Variants in MORC1 observed in about 807,000 individuals in gnomAD.
The protein encoded by MORC1 is MORC family CW-type zinc finger 1, also known as MORC family CW-type zinc finger protein 1.
In MORC1, 59 loss-of-function variants were observed where a neutral mutation model predicts 134.9. That is an observed-to-expected ratio of 0.44 (90% CI 0.35 to 0.54). MORC1 has a LOEUF of 0.54. Ranked by LOEUF, MORC1 falls within the 20% of genes least tolerant of loss-of-function variation. The pLI, the probability that MORC1 is intolerant of heterozygous loss-of-function variation, is 0.00. For missense variants in MORC1, 947 were observed against 1,134.5 expected, an observed-to-expected ratio of 0.83 and a Z score of 2.37; for synonymous variants, 395 against 391.7, an observed-to-expected ratio of 1.01 and a Z score of -0.10.
chr3:109,006,554 G>A (rs1948544882), intron 18 of MORC1, among the ~76,000 whole-genome samples: 1 of 152,112 alleles, frequency 6.6e-6, no homozygotes, highest in Non-Finnish European at 1.5e-5. Flanking sequence ...TTTTGTGTGT[G>A]ACTGATATAA....
chr3:109,082,135 G>A (rs1004597041), intron 8 of MORC1, among the ~76,000 whole-genome samples: 4 of 151,950 alleles, frequency 2.6e-5, no homozygotes, highest in African/African-American at 9.7e-5. Flanking sequence ...ATCCCCCTTA[G>A]GACTTTCCCT....
intron 14 of MORC1, among the ~76,000 whole-genome samples, chr3:109,039,760 A>G (rs1186720903): frequency 6.6e-6 from 1 of 152,204 alleles, no homozygotes; most frequent in Non-Finnish European, 1.5e-5. Flanking sequence ...ATCACTGATT[A>G]CTGGCTATGA....
At chr3:109,017,319 G>T (rs945896020) in intron 17 of MORC1, among the ~76,000 whole-genome samples, 1 of 152,206 alleles carries the variant, frequency 6.6e-6, no homozygotes, top group Non-Finnish European at 1.5e-5. Flanking sequence ...AAGATCAGGA[G>T]AAAGTTTTCT....
At chr3:109,090,411 A>C (rs1276966198) in intron 8 of MORC1, among the ~76,000 whole-genome samples, 1 of 152,038 alleles carries the variant, frequency 6.6e-6, no homozygotes, top group Non-Finnish European at 1.5e-5. Flanking sequence ...TGAGGTTAGG[A>C]GTTCAAGACC....
At chr3:109,036,340 G>A (rs1330672807) in intron 14 of MORC1, among the ~76,000 whole-genome samples, 1 of 152,072 alleles carries the variant, frequency 6.6e-6, no homozygotes, top group Non-Finnish European at 1.5e-5. Context: ...TGAAAAGCCT[G>A]TCCATATAAA....
Position 109,095,041 on chromosome 3 carries a change from T to C in MORC1, c.451A>G (p.Ile151Val), listed in dbSNP as rs543516720. ...TCTGTGACAGATTCTCTGGTTCTTA[T>C]TAACCATGAGGGCATTGGAACTACA... ...EVVVPMPSWL[I>V]RTRESVTDDP... The change falls in exon 7 of 28, where the codon ATA (isoleucine) becomes GTA (valine). Residue 151 changes from isoleucine to valine, a missense_variant. This residue lies in a region of MORC1 where 214 missense variants were observed against 281.3 expected (regional missense o/e 0.76). Coordinates refer to ENST00000232603, the MANE Select transcript of MORC1 (RefSeq NM_014429.4). 2.3e-5 allele frequency: 36 copies of C among 1,591,330 alleles called. No individual in the cohort carries two copies. The African/African-American group carries it at 3.1e-4, about 14-fold the overall frequency.
chr3:109,063,775 A>G (rs1576698602), intron 9 of MORC1, among the ~76,000 whole-genome samples: 1 of 152,262 alleles, frequency 6.6e-6, no homozygotes, highest in Admixed American at 6.5e-5. Context: ...ACAATAAAGG[A>G]AAAAAATATA....
intron 21 of MORC1, among the ~76,000 whole-genome samples, chr3:108,997,361 G>A (rs1948262434): frequency 6.6e-6 from 1 of 152,000 alleles, no homozygotes; most frequent in African/African-American, 2.4e-5. Flanking sequence ...GAAAAACCCT[G>A]TCTCTATTAA....
intron 24 of MORC1, among the ~76,000 whole-genome samples, chr3:108,972,492 T>G (rs1011661391): frequency 1.3e-5 from 2 of 152,168 alleles, no homozygotes; most frequent in African/African-American, 4.8e-5. Flanking sequence ...AAGCTGAAAA[T>G]TCTTGGCATT....
Position 108,981,617 on chromosome 3 carries a change from C to A in MORC1, c.2325-1950G>T, listed in dbSNP as rs145989211. 5.9e-3 allele frequency among the ~76,000 whole-genome samples: 897 copies of A among 152,236 alleles called. 5 individuals carry two copies. The highest frequency in any genetic ancestry group is 8.8e-3 in the Non-Finnish European group (596 of 68,016). On this transcript the variant is annotated intron_variant, in intron 23 of 27. Transcript: ENST00000232603. ...GAGATTCCTCTCTAAACCTCTGTTT[C>A]TTGTTCTGTTGAATAATAATAGGGC...
intron 16 of MORC1, among the ~76,000 whole-genome samples, chr3:109,030,949 C>T (rs749039528): frequency 9.2e-5 from 14 of 152,116 alleles, no homozygotes; most frequent in Non-Finnish European, 1.5e-4. Flanking sequence ...CTCATATACT[C>T]ACAAATATAT....
intron 14 of MORC1, among the ~76,000 whole-genome samples, chr3:109,037,646 A>G (rs1949409694): frequency 2.6e-5 from 4 of 152,086 alleles, no homozygotes; most frequent in Admixed American, 2.6e-4. Flanking sequence ...CCTGTGTCCA[A>G]GTGTTCTCAT....
At chr3:109,038,287 GTTTT>G (rs137911536) in intron 14 of MORC1, among the ~76,000 whole-genome samples, 1 of 146,702 alleles carries the variant, frequency 6.8e-6, no homozygotes, top group Non-Finnish European at 1.5e-5. Flanking sequence ...TGTTGATGGG[GTTTT>G]TTTTTTTTGT....
At position 109,005,131 on chromosome 3, in the gene MORC1, G is replaced by A. The variant is rs747367544; in HGVS notation, c.1952C>T (p.Ser651Phe). Residue 651 changes from serine (S) to phenylalanine (F), a missense_variant, in exon 19 of 28, where the codon TCT (serine) becomes TTT (phenylalanine). Coordinates refer to ENST00000232603, the MANE Select transcript of MORC1 (RefSeq NM_014429.4). Reference protein sequence around the residue: ...MKKSMEEKMNSQQQRIPVALP... With the variant: ...MKKSMEEKMNFQQQRIPVALP... ...AGCTACTGGAATTCTCTGCTGTTGA[G>A]AGTTCATTTTCTCCTCCATAGACTT... is the stretch of plus-strand genomic sequence containing the variant. 2 of 1,613,762 alleles carry A rather than the reference G, an allele frequency of 1.2e-6. No homozygotes were observed. The highest frequency in any genetic ancestry group is 3.3e-5 in the Admixed American group (2 of 59,974).
At chr3:108,973,792 GTT>G (rs1321262064) in intron 24 of MORC1, among the ~76,000 whole-genome samples, 1 of 151,660 alleles carries the variant, frequency 6.6e-6, no homozygotes, top group African/African-American at 2.4e-5. Context: ...TAGAGATGGG[GTT>G]TTGCCATGTT....
chr3:109,048,786 C>G (rs1206230388), intron 14 of MORC1, among the ~76,000 whole-genome samples: 1 of 151,864 alleles, frequency 6.6e-6, no homozygotes, highest in African/African-American at 2.4e-5. Context: ...TGAATTTCCT[C>G]TTCTTATGAG....
intron 25 of MORC1, 135 bp downstream of exon 25, chr3:108,971,195 A>T: frequency 1.5e-6 from 1 of 688,858 alleles, no homozygotes; most frequent in South Asian, 1.9e-5. Context: ...ATGAATCACC[A>T]TTTGGTATAA....
intron 7 of MORC1, among the ~76,000 whole-genome samples, chr3:109,094,184 A>C (rs146090705): frequency 6.6e-6 from 1 of 152,340 alleles, no homozygotes; most frequent in Non-Finnish European, 1.5e-5. Flanking sequence ...ATTTGACCCG[A>C]GACCATAATT....
chr3:109,074,897 G>T (rs575246979), intron 8 of MORC1, among the ~76,000 whole-genome samples: 1 of 152,192 alleles, frequency 6.6e-6, no homozygotes, highest in Admixed American at 6.5e-5. Flanking sequence ...ATATGAAGTA[G>T]ATGATGTTAT....
Sources: allele counts gnomAD v4.1 joint callset (sites outside exome capture counted in the v4.1 genomes callset), GRCh38; gene constraint gnomAD v4.1.1; regional missense constraint gnomAD v4.1.1; transcripts MANE v1.5; gene names NCBI Gene and HGNC (gene_info 2026-07-23, HGNC 2026-07-21).